Variants in CDC5L observed in about 807,000 individuals in gnomAD.
CDC5L encodes cell division cycle 5-like protein.
CDC5L carries 18 observed loss-of-function variants against 104.1 expected under a neutral mutation model. The ratio of observed to expected loss-of-function variants is 0.17; its 90% CI spans 0.12 to 0.26. The LOEUF (loss-of-function observed/expected upper bound fraction) is 0.26. Ranked by LOEUF, CDC5L falls within the 10% of genes least tolerant of loss-of-function variation. CDC5L has a pLI of 1.00. For synonymous variants in CDC5L, 331 were observed against 322.7 expected (o/e 1.03, Z -0.28); for missense variants, 673 against 956.9 (o/e 0.70, Z 3.91).
At chr6:44,424,730 T>G in intron 11 of CDC5L, 147 bp downstream of exon 11, 1 of 649,458 alleles carries the variant, frequency 1.5e-6, no homozygotes. Flanking sequence ...CTTATGTCAT[T>G]AATAATGTAT....
chr6:44,410,101 C>G (rs1306227463), intron 8 of CDC5L, among the ~76,000 whole-genome samples: 1 of 152,070 alleles, frequency 6.6e-6, no homozygotes, highest in Non-Finnish European at 1.5e-5. Flanking sequence ...AAAATCTACC[C>G]TTAGCAATGT....
At chr6:44,416,240 A>C (rs1791902603) in intron 8 of CDC5L, among the ~76,000 whole-genome samples, 1 of 152,154 alleles carries the variant, frequency 6.6e-6, no homozygotes, top group African/African-American at 2.4e-5. Context: ...AAAGGTCTGA[A>C]AAGGAGTGTT....
chr6:44,428,147 CTG>C (rs1792510360), intron 13 of CDC5L, among the ~76,000 whole-genome samples: 1 of 152,178 alleles, frequency 6.6e-6, no homozygotes, highest in Non-Finnish European at 1.5e-5. Context: ...AATTTTTACT[CTG>C]TGCAGTTTCA....
rs1462120233 is a variant in CDC5L, at chr6:44,387,707, T to C, written c.-117T>C. ...CTCCCACCTTGCGCTTGCGCAGATC[T>C]TCAAAGCAGAAGGTCGCGCTTGGAG... On this transcript the variant is annotated 5_prime_UTR_variant, in exon 1 of 16. Transcript: ENST00000371477. 7.5e-6 allele frequency: 7 copies of C among 928,698 alleles called. No homozygotes were observed. Among genetic ancestry groups the C allele is most frequent in the South Asian group, 1.4e-5 (1 of 71,208 alleles). 57.5% of individuals were successfully genotyped at this position (928,698 alleles called of 1,614,324 possible).
intron 5 of CDC5L, among the ~76,000 whole-genome samples, chr6:44,397,429 C>G (rs1561968150): frequency 6.6e-6 from 1 of 152,070 alleles, no homozygotes; most frequent in East Asian, 1.9e-4. Context: ...TATTCTTTAC[C>G]TTCTTTATTT....
chr6:44,424,830 A>G lies in CDC5L; in HGVS notation c.1569+247A>G, dbSNP rs1209032819. ...TTAAATACATTCTGTCAAATTCATT[A>G]TGCTTCTCTAAAATACACATAGGTA... On this transcript the variant is annotated intron_variant, in intron 11 of 15. Transcript: ENST00000371477. 2.6e-5 allele frequency among the ~76,000 whole-genome samples: 4 copies of G among 152,204 alleles called. No homozygotes were observed. In the East Asian group the frequency reaches 7.7e-4, roughly 29 times the overall value.
chr6:44,391,533 C>G (rs1790621176), intron 2 of CDC5L, among the ~76,000 whole-genome samples: 1 of 152,142 alleles, frequency 6.6e-6, no homozygotes, highest in African/African-American at 2.4e-5. Flanking sequence ...CAGGCGTGAG[C>G]CACCGCGCCC....
chr6:44,404,964 G>T (rs1447964390), intron 6 of CDC5L, among the ~76,000 whole-genome samples: 1 of 152,114 alleles, frequency 6.6e-6, no homozygotes, highest in East Asian at 1.9e-4. Context: ...AAAGTGTTGG[G>T]ATTACAGGCA....
chr6:44,406,546 G>A (rs1239571171), intron 7 of CDC5L, 79 bp downstream of exon 7: 14 of 1,272,174 alleles, frequency 1.1e-5, no homozygotes, highest in African/African-American at 3.0e-5. Flanking sequence ...TTGAAGGCCT[G>A]TGTACCAGGT....
chr6:44,405,498 C>T (rs547447081), intron 6 of CDC5L, among the ~76,000 whole-genome samples: 17 of 152,256 alleles, frequency 1.1e-4, no homozygotes, highest in African/African-American at 4.1e-4. Flanking sequence ...TTTAGGCTTC[C>T]TAACCATGTT....
rs58800666 is a variant in CDC5L at position 44,414,382 on chromosome 6, CTGTGTGTGTGTG to C, written c.1093-5029_1093-5018del. ...CGTGAGCCACTGTGCCTGGCCTGGC[CTGTGTGTGTGTG>C]TGTGTGTGTGTGTGTGTGTGTGTGT... is the stretch of plus-strand genomic sequence containing the variant. On this transcript the variant is annotated intron_variant, in intron 8 of 15. Transcript: ENST00000371477. 5.0e-3 allele frequency among the ~76,000 whole-genome samples: 648 copies of C among 130,018 alleles called. 6 individuals carry two copies. The highest frequency in any genetic ancestry group is 0.013 in the African/African-American group (446 of 33,494). 85.3% of individuals were successfully genotyped at this position (130,018 alleles called of 152,430 possible). A position where few individuals can be genotyped will look rare whatever the true frequency, so the allele number is the denominator to read the frequency against.
chr6:44,404,070 G>A, intron 6 of CDC5L, 43 bp downstream of exon 6: 1 of 1,436,780 alleles, frequency 7.0e-7, no homozygotes, highest in Non-Finnish European at 9.6e-7. Flanking sequence ...GGAATAGTAG[G>A]AGGAGTCTTA....
chr6:44,427,732 C>T (rs902637632), intron 13 of CDC5L, among the ~76,000 whole-genome samples: 4 of 152,192 alleles, frequency 2.6e-5, no homozygotes, highest in East Asian at 1.9e-4. Flanking sequence ...CCTACTCTGT[C>T]GAGCACATTT....
At chr6:44,402,066 T>A (rs1282988162) in intron 5 of CDC5L, among the ~76,000 whole-genome samples, 8 of 141,108 alleles carry the variant, frequency 5.7e-5, no homozygotes, top group Admixed American at 2.9e-4. Flanking sequence ...GTTGGACATT[T>A]GGGTTGGTTC....
intron 14 of CDC5L, among the ~76,000 whole-genome samples, chr6:44,434,740 T>C (rs897256964): frequency 6.6e-6 from 1 of 152,180 alleles, no homozygotes; most frequent in African/African-American, 2.4e-5. Flanking sequence ...AATGTGTTTA[T>C]TTTGGAATTA....
chr6:44,390,094 G>A (rs1398396002), intron 1 of CDC5L, among the ~76,000 whole-genome samples, 174 bp from the exon 2 acceptor site: 2 of 152,066 alleles, frequency 1.3e-5, no homozygotes, highest in African/African-American at 4.8e-5. Context: ...CTCAATTCTT[G>A]GTTGCTGTTA....
At chr6:44,417,789 A>T (rs1024590161) in intron 8 of CDC5L, among the ~76,000 whole-genome samples, 5 of 152,146 alleles carry the variant, frequency 3.3e-5, no homozygotes, top group African/African-American at 1.2e-4. Context: ...GGAGTATCTT[A>T]AGTTCCCAGT....
intron 8 of CDC5L, among the ~76,000 whole-genome samples, chr6:44,413,800 G>T (rs1024324501): frequency 1.3e-5 from 2 of 152,076 alleles, no homozygotes; most frequent in Admixed American, 1.3e-4. Flanking sequence ...GCCCAGGCTG[G>T]TCTTGAACTC....
intron 14 of CDC5L, chr6:44,435,502 G>C (rs1385570339): frequency 3.3e-5 from 5 of 152,618 alleles, no homozygotes; most frequent in African/African-American, 9.6e-5. Flanking sequence ...TCAGGGAGCT[G>C]TCTGGTGAAA....
Sources: gnomAD v4.1 joint callset for allele counts (sites outside exome capture counted in the v4.1 genomes callset) on GRCh38, gnomAD v4.1.1 for gene constraint, MANE v1.5 for transcripts, NCBI Gene and HGNC (gene_info 2026-07-23, HGNC 2026-07-21) for gene names.